STK3: variants seen among roughly 807,000 people sequenced by gnomAD.
STK3 encodes serine/threonine-protein kinase 3.
STK3 carries 41 observed loss-of-function variants against 58.0 expected under a neutral mutation model. That is an observed-to-expected ratio of 0.71 (90% CI 0.55 to 0.92). The LOEUF is 0.92. Among genes scored for constraint, STK3 ranks in the 40% least tolerant of loss-of-function variants. The probability of loss-of-function intolerance (pLI) is 0.00; values close to 1 mark genes in which losing one functional copy is unlikely to be tolerated. For synonymous variants in STK3, 170 were observed against 191.0 expected (o/e 0.89, Z 0.91); for missense variants, 479 against 602.7 (o/e 0.79, Z 2.15).
chr8:98,858,984 T>G (rs1836822356), intron 3 of STK3, among the ~76,000 whole-genome samples: 2 of 151,902 alleles, frequency 1.3e-5, no homozygotes, highest in Admixed American at 1.3e-4. Flanking sequence ...TATTTGTCAG[T>G]TAAAGAAAAG....
rs888140780 is a variant in STK3 at position 98,696,758 on chromosome 8, C to T, written c.684+9709G>A. 3.8e-4 allele frequency among the ~76,000 whole-genome samples: 58 copies of T among 152,194 alleles called. 1 individual carries two copies. Among genetic ancestry groups the T allele is most frequent in the Non-Finnish European group, 7.6e-4 (52 of 68,014 alleles). On this transcript the variant is annotated intron_variant, in intron 6 of 10. Coordinates refer to ENST00000419617, the MANE Select transcript of STK3 (RefSeq NM_006281.4). The stretch of plus-strand genomic sequence containing the variant: ...TTGATGTGCTGCTGGATTCGTTTTG[C>T]CAGTATTTTATTGAGGATTTTTGCA...
chr8:98,580,317 A>T (rs1288361595), intron 7 of STK3, among the ~76,000 whole-genome samples: 1 of 152,152 alleles, frequency 6.6e-6, no homozygotes, highest in Non-Finnish European at 1.5e-5. Context: ...AATGTTGCCT[A>T]ATTTCTTTAC....
intron 3 of STK3, among the ~76,000 whole-genome samples, chr8:98,877,960 C>T (rs1353915717): frequency 3.9e-5 from 6 of 151,980 alleles, no homozygotes; most frequent in Admixed American, 6.6e-5. Flanking sequence ...ACAAAGAAAC[C>T]GGCCCCAGAG....
intron 3 of STK3, among the ~76,000 whole-genome samples, chr8:98,762,572 T>C (rs904867869): frequency 6.6e-6 from 1 of 152,230 alleles, no homozygotes; most frequent in Non-Finnish European, 1.5e-5. Flanking sequence ...TTCTTTGTTG[T>C]ATCTCTTGTG....
At chr8:98,621,112 G>T (rs1209432964) in intron 6 of STK3, among the ~76,000 whole-genome samples, 2 of 151,996 alleles carry the variant, frequency 1.3e-5, no homozygotes, top group African/African-American at 4.8e-5. Flanking sequence ...TGTATTTTTA[G>T]TAGAGACCGT....
In STK3 at chr8:98,685,908, T is replaced by A. The variant is rs181601442; in HGVS notation, c.684+20559A>T. ...GATAAGGGCAGGTTCAAGGGAGAAATGCAAGTAAAGTATGTAATGACAAAA... is the reference window on the plus strand; with the variant it reads ...GATAAGGGCAGGTTCAAGGGAGAAAAGCAAGTAAAGTATGTAATGACAAAA... On this transcript the variant is annotated intron_variant, in intron 6 of 10. Transcript: ENST00000419617. Among the ~76,000 whole-genome samples the A allele has an allele frequency of 6.8e-3, 1,035 of 152,002 alleles. 8 individuals are homozygous for A. Among genetic ancestry groups the A allele is most frequent in the African/African-American group, 0.023 (971 of 41,464 alleles).
intron 4 of STK3, among the ~76,000 whole-genome samples, chr8:98,710,672 G>T (rs1344907885): frequency 6.6e-6 from 1 of 152,224 alleles, no homozygotes; most frequent in Admixed American, 6.5e-5. Flanking sequence ...GCCCACCACA[G>T]CTCAAGGAGG....
intron 2 of STK3, among the ~76,000 whole-genome samples, chr8:98,772,587 T>C (rs1036361337): frequency 2.0e-5 from 3 of 152,022 alleles, no homozygotes; most frequent in African/African-American, 7.3e-5. Flanking sequence ...TAATCCCAGC[T>C]ACTCGGGAGG....
intron 4 of STK3, among the ~76,000 whole-genome samples, chr8:98,735,504 T>C (rs1828510118): frequency 6.6e-6 from 1 of 152,140 alleles, no homozygotes; most frequent in Non-Finnish European, 1.5e-5. Context: ...AATCAGAAAT[T>C]TAAGTCACAT....
intron 6 of STK3, among the ~76,000 whole-genome samples, chr8:98,650,487 C>T (rs188856265): frequency 4.6e-5 from 7 of 152,292 alleles, no homozygotes; most frequent in African/African-American, 1.2e-4. Context: ...AGACAGTGGG[C>T]GCAGGACAGG....
At chr8:98,862,060 G>C (rs1836957137) in intron 3 of STK3, among the ~76,000 whole-genome samples, 1 of 152,156 alleles carries the variant, frequency 6.6e-6, no homozygotes, top group African/African-American at 2.4e-5. Flanking sequence ...CCAAATCCTT[G>C]AGGCCCACTC....
At chr8:98,869,449 A>G (rs1837284087) in intron 3 of STK3, among the ~76,000 whole-genome samples, 1 of 152,142 alleles carries the variant, frequency 6.6e-6, no homozygotes, top group Non-Finnish European at 1.5e-5. Context: ...ATAAAATAAT[A>G]AAGAATCTCT....
At chr8:98,598,141 T>C (rs1435757547) in intron 6 of STK3, 2 of 985,322 alleles carry the variant, frequency 2.0e-6, no homozygotes, top group South Asian at 4.7e-5. Flanking sequence ...TAGATAAATA[T>C]TGTTCATCTG....
At chr8:98,869,063 G>C (rs955080788) in intron 3 of STK3, among the ~76,000 whole-genome samples, 1 of 150,128 alleles carries the variant, frequency 6.7e-6, no homozygotes, top group Non-Finnish European at 1.5e-5. Context: ...AGGAAGGAAG[G>C]AAGGAAGGAA....
At chr8:98,354,510 ATTTCATCAACTTGCTGTGCT>A in the STK3 span, among the ~76,000 whole-genome samples, 1 of 152,184 alleles carries the variant, frequency 6.6e-6, no homozygotes, top group African/African-American at 2.4e-5. Context: ...GTCGGTGATG[ATTTCATCAACTTGCTGTGCT>A]GGCCTCAGGC....
chr8:98,455,050 TTAAG>T lies in STK3; in HGVS notation c.*788_*791del, dbSNP rs1712889468. 1 of 152,624 alleles carries T rather than the reference TTAAG, an allele frequency of 6.6e-6. No homozygotes were observed. The highest frequency in any genetic ancestry group is 2.4e-5 in the African/African-American group (1 of 41,468). 9.5% of individuals were successfully genotyped at this position (152,624 alleles called of 1,614,324 possible). On this transcript the variant is annotated 3_prime_UTR_variant, in exon 11 of 11. Transcript: ENST00000419617. The stretch of plus-strand genomic sequence containing the variant: ...ACAATATTAACAAATTACATTTGTA[TTAAG>T]TTTTTATTTAAAAATATTTATCACA...
intron 3 of STK3, among the ~76,000 whole-genome samples, chr8:98,406,444 C>T (rs905937132): frequency 6.6e-6 from 1 of 152,174 alleles, no homozygotes; most frequent in African/African-American, 2.4e-5. Context: ...CCTTCCCCTA[C>T]TCCCAACCTC....
intron 10 of STK3, among the ~76,000 whole-genome samples, chr8:98,523,317 A>G (rs765522824): frequency 1.3e-5 from 2 of 151,478 alleles, no homozygotes; most frequent in Non-Finnish European, 2.9e-5. Flanking sequence ...GAATCTTTTC[A>G]TGTGTTTATT....
At chr8:98,435,833 G>A (rs2131084047) in intron 2 of STK3, among the ~76,000 whole-genome samples, 1 of 152,322 alleles carries the variant, frequency 6.6e-6, no homozygotes. Flanking sequence ...AGCCTGGCAT[G>A]AGAAGGGGCC....
Sources: gnomAD v4.1 joint callset for allele counts (sites outside exome capture counted in the v4.1 genomes callset) on GRCh38, gnomAD v4.1.1 for gene constraint, MANE v1.5 for transcripts, NCBI Gene and HGNC (gene_info 2026-07-23, HGNC 2026-07-21) for gene names.